LIN54: variants seen among roughly 807,000 people sequenced by gnomAD.
The protein encoded by LIN54 is lin-54 DREAM MuvB core complex component.
Under a neutral mutation model 78.7 loss-of-function variants are expected in LIN54, and 9 were observed. The ratio of observed to expected loss-of-function variants is 0.11; its 90% CI spans 0.07 to 0.20. The LOEUF is 0.20. Among genes scored for constraint, LIN54 ranks in the 10% least tolerant of loss-of-function variants. LIN54 has a pLI of 1.00. For synonymous variants in LIN54, 269 were observed against 318.4 expected (o/e 0.84, Z 1.65); for missense variants, 573 against 889.9 (o/e 0.64, Z 4.53).
At chr4:82,978,664 T>C (rs1480449561) in intron 3 of LIN54, among the ~76,000 whole-genome samples, 2 of 152,222 alleles carry the variant, frequency 1.3e-5, no homozygotes, top group African/African-American at 2.4e-5. Flanking sequence ...ACTTTGCTAG[T>C]ATCATGGTAA....
intron 4 of LIN54, among the ~76,000 whole-genome samples, chr4:82,947,205 ATT>A (rs1332950507): frequency 2.8e-5 from 2 of 72,598 alleles, no homozygotes; most frequent in South Asian, 5.2e-4. Context: ...TCAAAAAAAA[ATT>A]TATATATATA....
At chr4:82,989,903 C>T (rs1727515241) in intron 1 of LIN54, among the ~76,000 whole-genome samples, 1 of 152,168 alleles carries the variant, frequency 6.6e-6, no homozygotes, top group Admixed American at 6.5e-5. Flanking sequence ...CAGCTATAGC[C>T]ACATTGCCTT....
chr4:82,945,710 T>C (rs1176091999), intron 5 of LIN54, among the ~76,000 whole-genome samples: 1 of 152,040 alleles, frequency 6.6e-6, no homozygotes, highest in Non-Finnish European at 1.5e-5. Flanking sequence ...TTAAGGCTGG[T>C]CTTGAACTCC....
rs1419104923 is a variant in LIN54, at chr4:82,928,087, T to A, written c.*15A>T. The A allele has an allele frequency of 6.2e-7, 1 of 1,610,658 alleles. No individual in the cohort carries two copies. The highest frequency in any genetic ancestry group is 8.5e-7 in the Non-Finnish European group (1 of 1,176,858). ...TTTTCTGTACAGTTCCATTTATCAG[T>A]CTTTTGTGCAAGAGTTAGCAATTCA... On this transcript the variant is annotated 3_prime_UTR_variant, in exon 13 of 13. Coordinates refer to ENST00000340417, the MANE Select transcript of LIN54 (RefSeq NM_194282.4).
chr4:82,979,071 T>C, intron 2 of LIN54, 65 bp from the exon 3 acceptor site: 1 of 1,274,454 alleles, frequency 7.8e-7, no homozygotes, highest in East Asian at 2.4e-5. Flanking sequence ...ATCAAAATTA[T>C]ACCAAAGATT....
chr4:82,974,363 T>A (rs1341012009), intron 3 of LIN54, among the ~76,000 whole-genome samples: 1 of 152,058 alleles, frequency 6.6e-6, no homozygotes, highest in Non-Finnish European at 1.5e-5. Flanking sequence ...TAATTCTGCC[T>A]TAAAAAGAAA....
intron 4 of LIN54, among the ~76,000 whole-genome samples, chr4:82,949,520 C>T (rs1723681958): frequency 6.6e-6 from 1 of 152,060 alleles, no homozygotes; most frequent in Non-Finnish European, 1.5e-5. Flanking sequence ...CCTCAGCCTC[C>T]CAAGTAGCTG....
intron 11 of LIN54, 69 bp from the exon 12 acceptor site, chr4:82,931,214 A>AG (rs1447619013): frequency 8.8e-7 from 1 of 1,133,594 alleles, no homozygotes; most frequent in Non-Finnish European, 1.3e-6. Flanking sequence ...AGATGCCACA[A>AG]TCAAATCAAC....
intron 11 of LIN54, among the ~76,000 whole-genome samples, chr4:82,933,379 CA>C (rs111591156): frequency 1.7e-3 from 232 of 135,976 alleles, no homozygotes; most frequent in Non-Finnish European, 2.1e-3. Context: ...TCCCCTATAC[CA>C]AAAAAAAAAA....
intron 4 of LIN54, among the ~76,000 whole-genome samples, chr4:82,953,740 G>A (rs931202904): frequency 6.6e-6 from 1 of 152,166 alleles, no homozygotes. Context: ...ACTTGAGCCA[G>A]GCAGTTCAAG....
At chr4:82,987,412 C>CA (rs1484719077) in intron 1 of LIN54, among the ~76,000 whole-genome samples, 2 of 151,904 alleles carry the variant, frequency 1.3e-5, no homozygotes, top group African/African-American at 2.4e-5. Flanking sequence ...AAGAAAAAAA[C>CA]AAAAAACAAA....
At chr4:82,983,217 C>G (rs1401825415) in intron 2 of LIN54, among the ~76,000 whole-genome samples, 1 of 152,044 alleles carries the variant, frequency 6.6e-6, no homozygotes, top group Non-Finnish European at 1.5e-5. Flanking sequence ...CCATGTTGGG[C>G]AGGCTAGTCT....
intron 11 of LIN54, among the ~76,000 whole-genome samples, chr4:82,931,443 T>A (rs1721945844): frequency 6.6e-6 from 1 of 152,224 alleles, no homozygotes; most frequent in Non-Finnish European, 1.5e-5. Flanking sequence ...TAAACATGAA[T>A]GATATCCTAA....
At chr4:82,969,838 G>C (rs1322281266) in intron 4 of LIN54, among the ~76,000 whole-genome samples, 1 of 152,160 alleles carries the variant, frequency 6.6e-6, no homozygotes, top group African/African-American at 2.4e-5. Context: ...GCATTTGAAT[G>C]CTTCCAATAA....
At chr4:82,934,544 T>A (rs1722232364) in intron 11 of LIN54, among the ~76,000 whole-genome samples, 1 of 152,168 alleles carries the variant, frequency 6.6e-6, no homozygotes, top group South Asian at 2.1e-4. Flanking sequence ...GTATTTGACT[T>A]TGTAAATAAG....
intron 4 of LIN54, among the ~76,000 whole-genome samples, chr4:82,954,548 G>T (rs1724127811): frequency 1.3e-5 from 2 of 152,072 alleles, no homozygotes; most frequent in African/African-American, 2.4e-5. Flanking sequence ...CTGCCAAGTA[G>T]TAGGAAGTAC....
intron 1 of LIN54, among the ~76,000 whole-genome samples, chr4:82,992,044 T>TA (rs1727760820): frequency 6.6e-6 from 1 of 152,168 alleles, no homozygotes; most frequent in African/African-American, 2.4e-5. Flanking sequence ...ATTTCCTCCT[T>TA]AAATATTTGC....
At chr4:82,977,317 AGC>A (rs1375881500) in intron 3 of LIN54, among the ~76,000 whole-genome samples, 1 of 152,144 alleles carries the variant, frequency 6.6e-6, no homozygotes, top group Non-Finnish European at 1.5e-5. Flanking sequence ...GTTTACTTAT[AGC>A]CAACTGCAGC....
intron 5 of LIN54, 66 bp from the exon 6 acceptor site, chr4:82,940,028 A>G (rs999925275): frequency 3.1e-5 from 33 of 1,064,944 alleles, no homozygotes; most frequent in Non-Finnish European, 4.5e-5. Context: ...AACACTTAAG[A>G]ATACTTAGCT....
Sources: allele counts gnomAD v4.1 joint callset (sites outside exome capture counted in the v4.1 genomes callset), GRCh38; gene constraint gnomAD v4.1.1; transcripts MANE v1.5; gene names NCBI Gene and HGNC (gene_info 2026-07-23, HGNC 2026-07-21).